Variants in FMN2 observed in about 807,000 individuals in gnomAD.
FMN2 encodes the protein formin 2.
In FMN2, 51 loss-of-function variants were observed where a neutral mutation model predicts 142.3. The ratio of observed to expected loss-of-function variants is 0.36; its 90% confidence interval spans 0.29 to 0.45. The LOEUF (loss-of-function observed/expected upper bound fraction) is 0.45, where lower values mean the gene tolerates loss of function less well. FMN2 is among the 20% of genes least tolerant of loss of function. FMN2 has a pLI of 1.00. For synonymous variants in FMN2, 882 were observed against 869.8 expected, an observed-to-expected ratio of 1.01 and a Z score of -0.25; for missense variants, 1,936 against 2,122.8, an observed-to-expected ratio of 0.91 and a Z score of 1.73.
intron 15 of FMN2, among the ~76,000 whole-genome samples, chr1:240,422,081 G>A (rs1674786011): frequency 1.3e-5 from 2 of 152,140 alleles, no homozygotes; most frequent in Admixed American, 1.3e-4. Flanking sequence ...GAGTCTACTG[G>A]GCACTCTGTT....
intron 14 of FMN2, among the ~76,000 whole-genome samples, chr1:240,365,895 A>T (rs1026656623): frequency 1.3e-5 from 2 of 152,112 alleles, no homozygotes; most frequent in African/African-American, 4.8e-5. Flanking sequence ...CATCTTGCAC[A>T]TAGGAACACT....
intron 3 of FMN2, among the ~76,000 whole-genome samples, chr1:240,182,776 A>AGT (rs1665204047): frequency 1.3e-5 from 2 of 152,136 alleles, no homozygotes; most frequent in South Asian, 4.1e-4. Context: ...GGGGAATGTG[A>AGT]GTGTCTTCCT....
chr1:240,350,867 G>C (rs904012720), intron 13 of FMN2, among the ~76,000 whole-genome samples: 3 of 152,206 alleles, frequency 2.0e-5, no homozygotes, highest in Non-Finnish European at 2.9e-5. Context: ...TGGGTGAATA[G>C]CATGGGGAAG....
chr1:240,464,979 AGC>A (rs1323455515), intron 16 of FMN2, among the ~76,000 whole-genome samples: 1 of 152,148 alleles, frequency 6.6e-6, no homozygotes, highest in African/African-American at 2.4e-5. Context: ...TGCCTGAGGA[AGC>A]CTTGTAAGTT....
chr1:240,245,482 G>C, intron 6 of FMN2: 1 of 469,452 alleles, frequency 2.1e-6, no homozygotes, highest in Non-Finnish European at 4.4e-6. Context: ...GTTAGTCAAA[G>C]GTTCCCGTCC....
At chr1:240,095,228 A>G (rs1025869848) in intron 1 of FMN2, among the ~76,000 whole-genome samples, 2 of 152,230 alleles carry the variant, frequency 1.3e-5, no homozygotes, top group African/African-American at 4.8e-5. Context: ...ACATTCACGT[A>G]TATAGTTTTT....
chr1:240,224,233 C>T lies in FMN2; in HGVS notation c.4065+12998C>T, dbSNP rs562965736. Among the ~76,000 whole-genome samples the T allele has an allele frequency of 2.7e-3, 416 of 152,144 alleles. 3 individuals carry two copies. The highest frequency in any genetic ancestry group is 0.027 in the South Asian group (130 of 4,820). ...AACTTATTTATTTCTGGCTTGATTT[C>T]GTTATTTACCCAGTAGTCGTTCAGG... On this transcript the variant is annotated intron_variant, in intron 6 of 17. Coordinates refer to ENST00000319653, the MANE Select transcript of FMN2 (RefSeq NM_020066.5).
rs71168898 is a variant in FMN2, at chr1:240,121,735, TAAAAAAA to T, written c.1616-1419_1616-1413del. Among the ~76,000 whole-genome samples, 12 of 25,678 alleles carry T rather than the reference TAAAAAAA, an allele frequency of 4.7e-4. No individual in the cohort carries two copies. In the South Asian group the frequency reaches 8.9e-3, roughly 19 times the overall value. 16.8% of individuals were successfully genotyped at this position (25,678 alleles called of 152,430 possible). ...CTCTTGCCTTTTTTTAGGGAAATAG[TAAAAAAA>T]AAAAAAAAAAAAAAAAAAAAAAAAG... On this transcript the variant is annotated intron_variant, in intron 1 of 17. Transcript: ENST00000319653.
At chr1:240,106,753 T>G (rs558349540) in intron 1 of FMN2, among the ~76,000 whole-genome samples, 1 of 151,840 alleles carries the variant, frequency 6.6e-6, no homozygotes, top group East Asian at 2.0e-4. Context: ...GGCGCGATCT[T>G]GCTCACTGCA....
chr1:240,184,114 T>C (rs1665272908), intron 3 of FMN2, among the ~76,000 whole-genome samples: 1 of 151,922 alleles, frequency 6.6e-6, no homozygotes, highest in Non-Finnish European at 1.5e-5. Context: ...GTTTCGTGAG[T>C]GAAAGGCTTA....
At chr1:240,444,397 C>A (rs543421848) in intron 16 of FMN2, among the ~76,000 whole-genome samples, 1 of 152,296 alleles carries the variant, frequency 6.6e-6, no homozygotes, top group Admixed American at 6.5e-5. Flanking sequence ...GCAAGAAGAT[C>A]TGGCTCTGGC....
In FMN2 at chr1:240,231,010, G is replaced by A. The variant is rs184836325; in HGVS notation, c.4065+19775G>A. ...CTTTGAACTGGCAAGGAAAGACACA[G>A]TAACTTGTTTTGTTTTGAAAGCTAG... On this transcript the variant is annotated intron_variant, in intron 6 of 17. Coordinates refer to ENST00000319653, the MANE Select transcript of FMN2 (RefSeq NM_020066.5). Among the ~76,000 whole-genome samples the A allele has an allele frequency of 9.8e-4, 129 of 131,828 alleles. 21 individuals carry two copies. The highest frequency in any genetic ancestry group is 1.7e-3 in the Non-Finnish European group (106 of 62,894). The allele number at this position is 131,828 out of a possible 152,430, so 86.5% of individuals were successfully genotyped here. A position where few individuals can be genotyped will look rare whatever the true frequency, so the allele number is the denominator to read the frequency against.
At chr1:240,302,111 T>G (rs776640834) in intron 8 of FMN2, among the ~76,000 whole-genome samples, 1 of 152,050 alleles carries the variant, frequency 6.6e-6, no homozygotes, top group Non-Finnish European at 1.5e-5. Context: ...TGATTCTTTC[T>G]TTTGCTGTCT....
intron 7 of FMN2, chr1:240,285,334 A>G (rs1331936232): frequency 1.1e-5 from 5 of 454,778 alleles, no homozygotes; most frequent in African/African-American, 1.0e-4. Context: ...AGGCTCCGTC[A>G]TGTAAGACAG....
chr1:240,153,093 G>A (rs1663853373), intron 2 of FMN2, among the ~76,000 whole-genome samples: 1 of 152,160 alleles, frequency 6.6e-6, no homozygotes, highest in Admixed American at 6.5e-5. Flanking sequence ...AGGCGGGTCT[G>A]AGTCATGGCT....
chr1:240,159,814 T>G (rs1337340331), intron 2 of FMN2, among the ~76,000 whole-genome samples: 2 of 151,096 alleles, frequency 1.3e-5, no homozygotes, highest in African/African-American at 4.9e-5. Flanking sequence ...GGTATGAATG[T>G]TTTTGCTCTC....
chr1:240,322,301 G>C (rs1356099953), intron 8 of FMN2, among the ~76,000 whole-genome samples: 1 of 152,080 alleles, frequency 6.6e-6, no homozygotes. Flanking sequence ...GGAGAGTAAA[G>C]AATCTTCGGT....
At chr1:240,183,788 A>G (rs1665253918) in intron 3 of FMN2, among the ~76,000 whole-genome samples, 1 of 152,164 alleles carries the variant, frequency 6.6e-6, no homozygotes, top group African/African-American at 2.4e-5. Context: ...AATTAAAAAC[A>G]TCTTGCATTT....
intron 6 of FMN2, among the ~76,000 whole-genome samples, chr1:240,252,456 A>G (rs1241365942): frequency 1.3e-5 from 2 of 151,916 alleles, no homozygotes; most frequent in Non-Finnish European, 2.9e-5. Context: ...TTTGGTGATT[A>G]GTACCTTCAA....
Sources: allele counts gnomAD v4.1 joint callset (sites outside exome capture counted in the v4.1 genomes callset), GRCh38; gene constraint gnomAD v4.1.1; transcripts MANE v1.5; gene names NCBI Gene and HGNC (gene_info 2026-07-23, HGNC 2026-07-21).